ZBTB20: variants seen among roughly 807,000 people sequenced by gnomAD.
The protein encoded by ZBTB20 is zinc finger and BTB domain-containing protein 20.
ZBTB20 carries 9 observed loss-of-function variants against 56.9 expected under a neutral mutation model. That is an observed-to-expected ratio of 0.16 (90% CI 0.10 to 0.28). The LOEUF (loss-of-function observed/expected upper bound fraction) is 0.28, where lower values mean the gene tolerates loss of function less well. Among genes scored for constraint, ZBTB20 ranks in the 10% least tolerant of loss-of-function variants. The pLI is 1.00. For synonymous variants in ZBTB20, 417 were observed against 420.7 expected, an observed-to-expected ratio of 0.99 and a Z score of 0.11; for missense variants, 655 against 1,003.0, an observed-to-expected ratio of 0.65 and a Z score of 4.69.
At chr3:114,795,163 T>C (rs1361599204) in intron 5 of ZBTB20, among the ~76,000 whole-genome samples, 5 of 152,102 alleles carry the variant, frequency 3.3e-5, no homozygotes, top group Non-Finnish European at 1.5e-5. Context: ...TTATAAGACC[T>C]CTATTTCAGA....
At chr3:114,984,915 G>A (rs1170401486) in intron 2 of ZBTB20, among the ~76,000 whole-genome samples, 1 of 151,952 alleles carries the variant, frequency 6.6e-6, no homozygotes, top group Non-Finnish European at 1.5e-5. Flanking sequence ...GGCCATGCTT[G>A]TTTGGGGCTT....
rs568959946 is a variant in ZBTB20, at chr3:114,886,837, T to C, written c.-417+13467A>G. On this transcript the variant is annotated intron_variant, in intron 4 of 11. Transcript: ENST00000675478. Reference sequence around the variant, plus strand: ...AAAACAGAGGACAGGATAAACTTTGTCAAATACCGAGGGGAAAAATAATTA... The same window carrying C: ...AAAACAGAGGACAGGATAAACTTTGCCAAATACCGAGGGGAAAAATAATTA... Among the ~76,000 whole-genome samples the C allele has an allele frequency of 3.9e-5, 6 of 152,306 alleles. No homozygotes were observed. The East Asian group carries it at 1.2e-3, about 29-fold the overall frequency.
chr3:115,054,678 A>T (rs1560530643), intron 2 of ZBTB20, among the ~76,000 whole-genome samples: 2 of 152,174 alleles, frequency 1.3e-5, no homozygotes, highest in South Asian at 2.1e-4. Flanking sequence ...TTACTTAGAT[A>T]ATACAAAATC....
At chr3:114,436,520 C>G (rs1193546400) in intron 7 of ZBTB20, among the ~76,000 whole-genome samples, 1 of 152,178 alleles carries the variant, frequency 6.6e-6, no homozygotes, top group African/African-American at 2.4e-5. Flanking sequence ...TGACTTATCA[C>G]AAAACATTTG....
At chr3:114,781,279 A>C (rs112314514) in intron 5 of ZBTB20, among the ~76,000 whole-genome samples, 4 of 152,248 alleles carry the variant, frequency 2.6e-5, no homozygotes, top group African/African-American at 9.6e-5. Context: ...GACTATTTAC[A>C]AGAGTTGTTG....
chr3:114,843,463 A>T (rs2074485328), intron 4 of ZBTB20, among the ~76,000 whole-genome samples: 1 of 152,186 alleles, frequency 6.6e-6, no homozygotes, highest in Non-Finnish European at 1.5e-5. Flanking sequence ...AAGCCAGTAA[A>T]TGGGGAGCTA....
At chr3:114,975,878 T>C (rs1450645868) in intron 2 of ZBTB20, among the ~76,000 whole-genome samples, 1 of 152,200 alleles carries the variant, frequency 6.6e-6, no homozygotes, top group African/African-American at 2.4e-5. Context: ...GGGCAGGCAC[T>C]TTCTCTTTTT....
intron 6 of ZBTB20, among the ~76,000 whole-genome samples, chr3:114,512,889 G>A (rs1442322284): frequency 1.3e-5 from 2 of 152,096 alleles, no homozygotes; most frequent in African/African-American, 4.8e-5. Context: ...CTCTGGGGTA[G>A]AACAATTTCT....
chr3:115,146,925 A>C (rs6438232), intron 1 of ZBTB20, among the ~76,000 whole-genome samples: 2 of 147,548 alleles, frequency 1.4e-5, no homozygotes, highest in Non-Finnish European at 1.5e-5. Context: ...CCTCCCTCCC[A>C]CCTCCCCGCC....
rs555384587 is a variant in ZBTB20, at chr3:114,352,372, T to C, written c.200-494A>G. On this transcript the variant is annotated intron_variant, in intron 10 of 11. Transcript: ENST00000675478. ...TTATCAAAGTCCCTTATTTTATTCA[T>C]ACACAGTGACCATATTCATAGTTAA... Among the ~76,000 whole-genome samples the C allele has an allele frequency of 7.2e-5, 11 of 152,350 alleles. 1 individual carries two copies. Among genetic ancestry groups the C allele is most frequent in the African/African-American group, 2.6e-4 (11 of 41,584 alleles).
intron 6 of ZBTB20, among the ~76,000 whole-genome samples, chr3:114,680,680 G>A (rs2061919019): frequency 6.6e-6 from 1 of 152,124 alleles, no homozygotes; most frequent in South Asian, 2.1e-4. Flanking sequence ...AATGTTTTCT[G>A]TTAATTTGAA....
At chr3:114,556,252 G>T (rs2051208790) in intron 6 of ZBTB20, among the ~76,000 whole-genome samples, 1 of 151,984 alleles carries the variant, frequency 6.6e-6, no homozygotes, top group African/African-American at 2.4e-5. Context: ...CTCCCAATGG[G>T]TCCATTTCCT....
At chr3:115,028,376 G>T (rs1373013214) in intron 2 of ZBTB20, among the ~76,000 whole-genome samples, 3 of 150,580 alleles carry the variant, frequency 2.0e-5, no homozygotes, top group African/African-American at 7.3e-5. Context: ...CAGATTTATA[G>T]AACTTACTAT....
chr3:114,992,574 A>G (rs1002108912), intron 2 of ZBTB20, among the ~76,000 whole-genome samples: 4 of 151,940 alleles, frequency 2.6e-5, no homozygotes, highest in Admixed American at 2.6e-4. Context: ...GTGTCCCCCT[A>G]GAGCACCATA....
intron 2 of ZBTB20, among the ~76,000 whole-genome samples, chr3:115,052,860 T>C (rs1461361654): frequency 3.3e-5 from 5 of 152,218 alleles, no homozygotes; most frequent in Admixed American, 6.5e-5. Context: ...ATGAGCACTG[T>C]AAAAATTTTC....
intron 7 of ZBTB20, among the ~76,000 whole-genome samples, chr3:114,455,667 T>C (rs985861246): frequency 7.9e-5 from 12 of 152,024 alleles, no homozygotes; most frequent in Middle Eastern, 3.4e-3. Context: ...ACAGACAAAG[T>C]CAGTGGGCAG....
chr3:114,330,139 A>G lies in ZBTB20; in HGVS notation c.*8866T>C, dbSNP rs1241670332. The G allele has an allele frequency of 6.6e-6, 1 of 152,246 alleles. No homozygotes were observed. The highest frequency in any genetic ancestry group is 6.5e-5 in the Admixed American group (1 of 15,288). 9.4% of individuals were successfully genotyped at this position (152,246 alleles called of 1,614,324 possible). ...CTTTGTATTAGTCACACCAACAAAA[A>G]AGTTTCAAAAAAAGTTTTCACTTTC... On this transcript the variant is annotated 3_prime_UTR_variant, in exon 12 of 12. Coordinates refer to ENST00000675478, the MANE Select transcript of ZBTB20 (RefSeq NM_001348800.3).
chr3:114,773,678 C>G (rs898121269), intron 5 of ZBTB20, among the ~76,000 whole-genome samples: 6 of 152,002 alleles, frequency 3.9e-5, no homozygotes, highest in Non-Finnish European at 8.8e-5. Context: ...CAGGAAAAAT[C>G]TGAAAAGAGC....
At chr3:115,022,705 T>A (rs1560500661) in intron 2 of ZBTB20, among the ~76,000 whole-genome samples, 1 of 150,950 alleles carries the variant, frequency 6.6e-6, no homozygotes, top group Non-Finnish European at 1.5e-5. Flanking sequence ...CTGTTTTCAG[T>A]CACCAAATGG....
Sources: allele counts gnomAD v4.1 joint callset (sites outside exome capture counted in the v4.1 genomes callset), GRCh38; gene constraint gnomAD v4.1.1; transcripts MANE v1.5; gene names NCBI Gene and HGNC (gene_info 2026-07-23, HGNC 2026-07-21).